Variants in TUSC3 observed in about 807,000 individuals in gnomAD.
TUSC3 encodes tumor suppressor candidate 3.
A neutral mutation model predicts 44.8 loss-of-function variants in TUSC3; 45 were observed. The ratio of observed to expected loss-of-function variants is 1.00; its 90% CI spans 0.79 to 1.29. The LOEUF (loss-of-function observed/expected upper bound fraction) is 1.29. Among genes scored for constraint, TUSC3 ranks in the 50% most tolerant of loss-of-function variants. The pLI, the probability that TUSC3 is intolerant of heterozygous loss-of-function variation, is 0.00. For synonymous variants in TUSC3, 212 were observed against 152.9 expected (o/e 1.39, Z -2.85); for missense variants, 519 against 437.9 (o/e 1.19, Z -1.65).
At chr8:15,599,654 C>G (rs972708614) in intron 1 of TUSC3, among the ~76,000 whole-genome samples, 1 of 147,874 alleles carries the variant, frequency 6.8e-6, no homozygotes, top group Admixed American at 6.8e-5. Flanking sequence ...TCTAGCTGTT[C>G]TAGCATCATT....
chr8:15,827,676 G>A, the TUSC3 span, among the ~76,000 whole-genome samples: 1 of 152,118 alleles, frequency 6.6e-6, no homozygotes, highest in Non-Finnish European at 1.5e-5. Context: ...GGACACAGAT[G>A]TTTTATAAAC....
At chr8:15,634,257 A>C (rs1368782324) in intron 2 of TUSC3, among the ~76,000 whole-genome samples, 1 of 152,168 alleles carries the variant, frequency 6.6e-6, no homozygotes, top group African/African-American at 2.4e-5. Flanking sequence ...CCAGGTTGGC[A>C]GTGCCTTCAG....
At chr8:15,712,999 G>A (rs563764978) in intron 6 of TUSC3, among the ~76,000 whole-genome samples, 1 of 152,166 alleles carries the variant, frequency 6.6e-6, no homozygotes, top group South Asian at 2.1e-4. Context: ...GATGTCCACA[G>A]CATTTATAAG....
At chr8:15,550,320 G>C (rs181508582) in intron 1 of TUSC3, among the ~76,000 whole-genome samples, 3 of 151,670 alleles carry the variant, frequency 2.0e-5, no homozygotes, top group Non-Finnish European at 4.4e-5. Context: ...ATTCAGCTTG[G>C]CTTTCCATTG....
intron 2 of TUSC3, among the ~76,000 whole-genome samples, chr8:15,504,600 TATATATATATATATATATATA>T (rs1563268530): frequency 3.2e-4 from 13 of 41,178 alleles, no homozygotes; most frequent in East Asian, 1.3e-3. Context: ...TATATATATA[TATATATATATATATATATATA>T]TTTTTTTTTT....
At chr8:15,638,848 C>G (rs1806218427) in intron 2 of TUSC3, among the ~76,000 whole-genome samples, 1 of 152,110 alleles carries the variant, frequency 6.6e-6, no homozygotes, top group South Asian at 2.1e-4. Context: ...TAGCATTACA[C>G]TGATGATTAT....
chr8:15,495,649 G>C (rs1468405987), intron 2 of TUSC3, among the ~76,000 whole-genome samples: 3 of 152,080 alleles, frequency 2.0e-5, no homozygotes, highest in African/African-American at 7.2e-5. Flanking sequence ...CTCCCTTTGG[G>C]GGGCAGTATG....
chr8:15,526,746 T>C (rs1246073854), intron 2 of TUSC3, among the ~76,000 whole-genome samples: 1 of 152,162 alleles, frequency 6.6e-6, no homozygotes, highest in East Asian at 1.9e-4. Context: ...ATCAGCAGCA[T>C]GATAACAGAC....
intron 1 of TUSC3, among the ~76,000 whole-genome samples, chr8:15,474,193 C>T (rs1056100875): frequency 2.0e-5 from 3 of 152,118 alleles, no homozygotes; most frequent in African/African-American, 7.2e-5. Context: ...GCAGTCAGAC[C>T]TTATGGTTGT....
intron 1 of TUSC3, among the ~76,000 whole-genome samples, chr8:15,461,560 C>G (rs193206089): frequency 2.2e-3 from 329 of 152,044 alleles, no homozygotes; most frequent in Non-Finnish European, 4.0e-3. Context: ...GCTAGGACTT[C>G]CAGTACTATA....
In TUSC3 at chr8:15,731,965, A is replaced by C. The variant is rs535051602; in HGVS notation, c.862+1236A>C. Among the ~76,000 whole-genome samples the C allele has an allele frequency of 2.0e-5, 3 of 152,296 alleles. No individual in the cohort carries two copies. In the East Asian group the frequency reaches 5.8e-4, roughly 29 times the overall value. ...AAAAGGGATGGAAAATGTTTGAAGC[A>C]CTTGGAATTCTCAAGAAACTCAAAG... On this transcript the variant is annotated intron_variant, in intron 7 of 10. Coordinates refer to ENST00000503731, the MANE Select transcript of TUSC3 (RefSeq NM_006765.4).
chr8:15,807,073 A>G, the TUSC3 span: 1 of 1,391,882 alleles, frequency 7.2e-7, no homozygotes, highest in African/African-American at 1.4e-5. Flanking sequence ...TGCTCACAGC[A>G]GTATTTGGCA....
chr8:15,809,164 G>T, the TUSC3 span, among the ~76,000 whole-genome samples: 1 of 152,130 alleles, frequency 6.6e-6, no homozygotes, highest in Non-Finnish European at 1.5e-5. Context: ...GCAGGAGGAA[G>T]ATGGAGGGCT....
chr8:15,771,983 G>A, the TUSC3 span, among the ~76,000 whole-genome samples: 1 of 152,098 alleles, frequency 6.6e-6, no homozygotes, highest in African/African-American at 2.4e-5. Flanking sequence ...CAGCTACCTG[G>A]GAGGCTGAGG....
chr8:15,578,814 AT>A (rs1803211662), intron 1 of TUSC3, among the ~76,000 whole-genome samples: 1 of 152,104 alleles, frequency 6.6e-6, no homozygotes, highest in Admixed American at 6.5e-5. Context: ...TGGTATCAGA[AT>A]GATGCTGGCC....
intron 1 of TUSC3, among the ~76,000 whole-genome samples, chr8:15,578,325 G>A (rs2129145722): frequency 8.0e-6 from 1 of 124,878 alleles, no homozygotes; most frequent in Middle Eastern, 3.6e-3. Context: ...CTGCCTAATT[G>A]CCCTGGCCAG....
downstream of TUSC3, among the ~76,000 whole-genome samples, chr8:15,771,020 G>T (rs1359119644): frequency 6.6e-6 from 1 of 152,150 alleles, no homozygotes; most frequent in African/African-American, 2.4e-5. Context: ...CAGCAAGAGA[G>T]ACGTGATTCA....
intron 1 of TUSC3, among the ~76,000 whole-genome samples, chr8:15,435,237 G>A (rs1795000550): frequency 1.3e-5 from 2 of 151,922 alleles, no homozygotes; most frequent in African/African-American, 4.8e-5. Context: ...TCTAACTGGT[G>A]TGAGATGGTA....
chr8:15,595,024 A>T (rs1804005060), intron 1 of TUSC3, among the ~76,000 whole-genome samples: 1 of 152,156 alleles, frequency 6.6e-6, no homozygotes, highest in African/African-American at 2.4e-5. Flanking sequence ...AAAGCTCTGA[A>T]GGACATCCTG....
Sources: gnomAD v4.1 joint callset for allele counts (sites outside exome capture counted in the v4.1 genomes callset) on GRCh38, gnomAD v4.1.1 for gene constraint, MANE v1.5 for transcripts, NCBI Gene and HGNC (gene_info 2026-07-23, HGNC 2026-07-21) for gene names.